DCLK3: variants seen among roughly 807,000 people sequenced by gnomAD.
The protein encoded by DCLK3 is doublecortin like kinase 3, also known as serine/threonine-protein kinase DCLK3.
Under a neutral mutation model 46.4 loss-of-function variants are expected in DCLK3, and 30 were observed. That is an observed-to-expected ratio of 0.65 (90% confidence interval 0.48 to 0.88). The LOEUF (loss-of-function observed/expected upper bound fraction) is 0.88, where lower values mean the gene tolerates loss of function less well. DCLK3 is among the 40% of genes least tolerant of loss of function. DCLK3 has a pLI of 0.00. For synonymous variants in DCLK3, 401 were observed against 339.2 expected, an observed-to-expected ratio of 1.18 and a Z score of -2.00; for missense variants, 846 against 907.1, an observed-to-expected ratio of 0.93 and a Z score of 0.87.
chr3:36,725,138 C>T (rs1302698494), intron 2 of DCLK3, among the ~76,000 whole-genome samples: 1 of 151,456 alleles, frequency 6.6e-6, no homozygotes, highest in African/African-American at 2.4e-5. Flanking sequence ...CACGGTGAAA[C>T]CCATCTCTAC....
chr3:36,727,336 T>C (rs995069049), intron 2 of DCLK3, among the ~76,000 whole-genome samples: 5 of 152,192 alleles, frequency 3.3e-5, no homozygotes, highest in African/African-American at 9.7e-5. Context: ...TGACTTAGTA[T>C]ACCAAAGTAA....
intron 1 of DCLK3, among the ~76,000 whole-genome samples, chr3:36,757,651 T>A (rs1701497878): frequency 6.6e-6 from 1 of 152,206 alleles, no homozygotes; most frequent in Non-Finnish European, 1.5e-5. Flanking sequence ...TGTAGCAGTT[T>A]CTCAGAAACT....
rs1700922717 is a variant in DCLK3 at position 36,712,511 on chromosome 3, AC to A, written c.*2816del. On this transcript the variant is annotated 3_prime_UTR_variant, in exon 5 of 5. Coordinates refer to ENST00000636136, the MANE Select transcript of DCLK3 (RefSeq NM_001394672.2). ...CAATTTGGTAAGTTTTGACATATAT[AC>A]CCCCATAAATCCATTATTACATTCA... is the stretch of plus-strand genomic sequence containing the variant. The A allele has an allele frequency of 6.6e-6, 1 of 151,944 alleles. No homozygotes were observed. The highest frequency in any genetic ancestry group is 2.1e-4 in the South Asian group (1 of 4,820). The allele number at this position is 151,944 out of a possible 1,614,324, so 9.4% of individuals were successfully genotyped here. A position where few individuals can be genotyped will look rare whatever the true frequency, so the allele number is the denominator to read the frequency against.
chr3:36,753,545 G>A (rs1575147242), intron 1 of DCLK3, among the ~76,000 whole-genome samples: 1 of 152,182 alleles, frequency 6.6e-6, no homozygotes, highest in African/African-American at 2.4e-5. Flanking sequence ...AGAGAACCAA[G>A]AAGCCTCTGC....
rs1255011130 is a variant in DCLK3, at chr3:36,729,246, TGTGG to T, written c.1960-7591_1960-7588del. The stretch of plus-strand genomic sequence containing the variant: ...AGGGTTTTCCCGGGTTGTGTGTGTG[TGTGG>T]GGGGGGGGGGTACAAAAGCCCCCTT... On this transcript the variant is annotated intron_variant, in intron 2 of 4. Transcript: ENST00000636136. Among the ~76,000 whole-genome samples, 358 of 42,020 alleles carry T rather than the reference TGTGG, an allele frequency of 8.5e-3. 20 individuals are homozygous for T. In the Middle Eastern group the frequency reaches 0.14, roughly 17 times the overall value. The allele number at this position is 42,020 out of a possible 152,430, so 27.6% of individuals were successfully genotyped here. A position where few individuals can be genotyped will look rare whatever the true frequency, so the allele number is the denominator to read the frequency against.
rs1020159930 is a variant in DCLK3, at chr3:36,738,605, A to G, written c.562T>C (p.Tyr188His). ...KSIQVAVEEL[Y>H]PNKARALTLA... ...GTCAGGGCCCGGGCTTTGTTGGGGT[A>G]CAGTTCTTCTACAGCCACCTGAATG... is the stretch of plus-strand genomic sequence containing the variant. The change falls in exon 2 of 5, where the codon TAC (tyrosine) becomes CAC (histidine). Residue 188 changes from tyrosine (Y) to histidine (H), a missense_variant. Around this residue, in one of 3 missense-constraint regions of DCLK3, gnomAD observed 553 missense variants for 543.0 expected, o/e 1.02. Coordinates refer to ENST00000636136, the MANE Select transcript of DCLK3 (RefSeq NM_001394672.2). 2 of 1,383,570 alleles carry G rather than the reference A, an allele frequency of 1.4e-6. No homozygotes were observed. The highest frequency in any genetic ancestry group is 1.5e-5 in the African/African-American group (1 of 67,196). 85.7% of individuals were successfully genotyped at this position (1,383,570 alleles called of 1,614,324 possible). A position where few individuals can be genotyped will look rare whatever the true frequency, so the allele number is the denominator to read the frequency against.
At chr3:36,731,405 G>A (rs904359593) in intron 2 of DCLK3, among the ~76,000 whole-genome samples, 2 of 151,154 alleles carry the variant, frequency 1.3e-5, no homozygotes, top group Non-Finnish European at 1.5e-5. Context: ...TATTTTCTCT[G>A]CATCCCTCTT....
rs898248009 is a variant in DCLK3 at position 36,714,602 on chromosome 3, T to C, written c.*726A>G. ...CACGGTCACAGCCTGAGCGCCTGAC[T>C]TCACATAGAAATGACTCAGGCTCAG... is the stretch of plus-strand genomic sequence containing the variant. On this transcript the variant is annotated 3_prime_UTR_variant, in exon 5 of 5. Coordinates refer to ENST00000636136, the MANE Select transcript of DCLK3 (RefSeq NM_001394672.2). 1 of 152,218 alleles carries C rather than the reference T, an allele frequency of 6.6e-6. No homozygotes were observed. Among genetic ancestry groups the C allele is most frequent in the African/African-American group, 2.4e-5 (1 of 41,446 alleles). The allele number at this position is 152,218 out of a possible 1,614,324, so 9.4% of individuals were successfully genotyped here. A position where few individuals can be genotyped will look rare whatever the true frequency, so the allele number is the denominator to read the frequency against.
At chr3:36,720,883 C>T (rs1171894760) in intron 3 of DCLK3, among the ~76,000 whole-genome samples, 1 of 152,204 alleles carries the variant, frequency 6.6e-6, no homozygotes, top group African/African-American at 2.4e-5. Flanking sequence ...GTCACCAACC[C>T]TGCAACCCAA....
At chr3:36,736,472 G>A (rs545226065) in intron 2 of DCLK3, among the ~76,000 whole-genome samples, 7 of 152,284 alleles carry the variant, frequency 4.6e-5, no homozygotes, top group African/African-American at 1.7e-4. Context: ...CTTATCTGAT[G>A]TTGTGATCTG....
intron 2 of DCLK3, among the ~76,000 whole-genome samples, chr3:36,725,989 T>C (rs1701120851): frequency 6.6e-6 from 1 of 152,204 alleles, no homozygotes; most frequent in Non-Finnish European, 1.5e-5. Flanking sequence ...AACAAGGGAT[T>C]TGATACAAGA....
In DCLK3 at chr3:36,738,994, C is replaced by T. The variant is rs1378902984; in HGVS notation, c.173G>A (p.Arg58Gln). The change falls in exon 2 of 5, where the codon CGA becomes CAA. Residue 58 changes from arginine to glutamine, a missense_variant. Transcript: ENST00000636136. ...KLQGSWLPAS[R>Q]GNLEKPFLGP... ...CAGGAATGGTTTCTCCAGATTCCCT[C>T]GGCTGGCAGGCAGCCAGGAGCCTTG... The T allele has an allele frequency of 1.0e-5, 4 of 399,154 alleles. No homozygotes were observed. The East Asian group carries it at 1.1e-4, about 11-fold the overall frequency. The allele number at this position is 399,154 out of a possible 1,614,324, so 24.7% of individuals were successfully genotyped here.
chr3:36,734,808 A>G (rs1382641878), intron 2 of DCLK3, among the ~76,000 whole-genome samples: 1 of 152,098 alleles, frequency 6.6e-6, no homozygotes, highest in Non-Finnish European at 1.5e-5. Flanking sequence ...ATGAAGAACT[A>G]CCCAGAGGCA....
chr3:36,716,973 G>T (rs1335808244), intron 4 of DCLK3, among the ~76,000 whole-genome samples: 1 of 152,172 alleles, frequency 6.6e-6, no homozygotes, highest in Non-Finnish European at 1.5e-5. Flanking sequence ...CTTATTTAAA[G>T]GGGGGAAAAT....
At chr3:36,718,327 C>G in intron 3 of DCLK3, 150 bp from the exon 4 acceptor site, 1 of 1,011,810 alleles carries the variant, frequency 9.9e-7, no homozygotes, top group African/African-American at 1.6e-5. Context: ...CCAAACACAG[C>G]TCCCTGCTAA....
intron 2 of DCLK3, among the ~76,000 whole-genome samples, chr3:36,734,225 A>C (rs1701232041): frequency 6.6e-6 from 1 of 152,234 alleles, no homozygotes; most frequent in African/African-American, 2.4e-5. Flanking sequence ...CCAGACAATG[A>C]GTCAACTGTC....
chr3:36,742,040 G>T lies in DCLK3; in HGVS notation c.83-2956C>A, dbSNP rs575092361. On this transcript the variant is annotated intron_variant, in intron 1 of 4. Coordinates refer to ENST00000636136, the MANE Select transcript of DCLK3 (RefSeq NM_001394672.2). ...GTTTGAACATTTAGCATAGAAGGAG[G>T]TTCAGGAAAGCCCCTGAACCCTCCT... 2.6e-5 allele frequency among the ~76,000 whole-genome samples: 4 copies of T among 152,274 alleles called. No homozygotes were observed. In the East Asian group the frequency reaches 5.8e-4, roughly 22 times the overall value.
Position 36,737,480 on chromosome 3 carries a change from C to T in DCLK3, c.1687G>A (p.Gly563Ser). 6.2e-7 allele frequency: 1 copy of T among 1,614,156 alleles called. No homozygotes were observed. The highest frequency in any genetic ancestry group is 8.5e-7 in the Non-Finnish European group (1 of 1,180,032). ...MKIIDKSRLK[G>S]KEDMVDSEIL... is the part of the protein sequence containing the mutation. The stretch of plus-strand genomic sequence containing the variant: ...TCACTGTCCACCATGTCCTCCTTGC[C>T]CTTGAGTCTGGACTTGTCAATGATC... The change falls in exon 2 of 5, where the codon GGC (glycine) becomes AGC (serine). Residue 563 changes from glycine to serine, a missense_variant. By Grantham distance (56) the Gly-to-Ser change is moderately conservative. This residue lies in a region of DCLK3 where 247 missense variants were observed against 322.8 expected (regional missense o/e 0.77). Transcript: ENST00000636136. The surrounding 1 kb of genome is among the most constrained non-coding windows in gnomAD (Gnocchi z 4.4).
chr3:36,735,126 ACCT>A (rs768419936), intron 2 of DCLK3, among the ~76,000 whole-genome samples: 8 of 152,124 alleles, frequency 5.3e-5, no homozygotes, highest in Non-Finnish European at 1.2e-4. Context: ...AGCTCGTGGG[ACCT>A]CCTCAGGCCT....
Sources: allele counts gnomAD v4.1 joint callset (sites outside exome capture counted in the v4.1 genomes callset), GRCh38; gene constraint gnomAD v4.1.1; regional missense constraint gnomAD v4.1.1; non-coding constraint Gnocchi (gnomAD v3.1); transcripts MANE v1.5; gene names NCBI Gene and HGNC (gene_info 2026-07-23, HGNC 2026-07-21).